The following GCN1 variants were observed in gnomAD, a reference collection of about 807,000 sequenced individuals.
The protein encoded by GCN1 is stalled ribosome sensor GCN1.
GCN1 carries 90 observed loss-of-function variants against 288.4 expected under a neutral mutation model. That is an observed-to-expected ratio of 0.31 (90% CI 0.26 to 0.37). The LOEUF is 0.37. Among genes scored for constraint, GCN1 ranks in the 10% least tolerant of loss-of-function variants. GCN1 has a pLI of 1.00. For missense variants in GCN1, 2,586 were observed against 3,419.9 expected (o/e 0.76, Z 6.08); for synonymous variants, 1,386 against 1,420.2 (o/e 0.98, Z 0.54).
Position 120,148,318 on chromosome 12 carries a change from C to T in GCN1, c.4575G>A (p.Ala1525=), listed in dbSNP as rs369587641. 357 of 1,613,788 alleles carry T rather than the reference C, an allele frequency of 2.2e-4. 1 individual carries two copies. The Middle Eastern group carries it at 2.3e-3, about 10-fold the overall frequency. Residue 1525 remains alanine, a synonymous_variant, in exon 37 of 58, where the codon GCG becomes GCA. Transcript: ENST00000300648. ...ATGACAGCTGCTTAGGAGCACAGTACGCCATTGCCCCAAGAAGCTCCACTG... is the reference window on the plus strand; with the variant it reads ...ATGACAGCTGCTTAGGAGCACAGTATGCCATTGCCCCAAGAAGCTCCACTG... ...AGSVELLGAM[A]YCAPKQLSSC...
In GCN1 at chr12:120,130,533, C is replaced by T. The variant is rs77192728; in HGVS notation, c.7671+113G>A. ...GTTCAGCGATCTCCTGGAGGCCGTC[C>T]ACGGAGAACTAGCACACAACTAGTT... On this transcript the variant is annotated intron_variant, in intron 56 of 57. Coordinates refer to ENST00000300648, the MANE Select transcript of GCN1 (RefSeq NM_006836.2). 1.9e-3 allele frequency: 1,361 copies of T among 726,554 alleles called. 12 individuals carry two copies. The African/African-American group carries it at 0.02, about 10-fold the overall frequency. 45.0% of individuals were successfully genotyped at this position (726,554 alleles called of 1,614,324 possible). A position where few individuals can be genotyped will look rare whatever the true frequency, so the allele number is the denominator to read the frequency against.
chr12:120,190,814 G>A (rs1334262512), intron 1 of GCN1, among the ~76,000 whole-genome samples: 1 of 152,108 alleles, frequency 6.6e-6, no homozygotes, highest in African/African-American at 2.4e-5. Flanking sequence ...CAAGGGCCTG[G>A]TACGTGCCAA....
intron 2 of GCN1, among the ~76,000 whole-genome samples, chr12:120,187,989 A>G (rs1407926768): frequency 6.6e-6 from 1 of 152,150 alleles, no homozygotes; most frequent in Admixed American, 6.5e-5. Context: ...GCAGATCAGG[A>G]TAATCAGATA....
rs753139297 is a variant in GCN1, at chr12:120,153,358, G to A, written c.3917C>T (p.Ala1306Val). Residue 1306 changes from alanine to valine, a missense_variant, in exon 33 of 58, where the codon GCG becomes GTG. Physicochemically the swap from Ala to Val is moderately conservative, Grantham distance 64 (BLOSUM62 0). Around this residue, in one of 8 missense-constraint regions of GCN1, gnomAD observed 332 missense variants for 403.0 expected, o/e 0.82. Coordinates refer to ENST00000300648, the MANE Select transcript of GCN1 (RefSeq NM_006836.2). This position sits in a 1 kb window ranked among gnomAD's most constrained non-coding sequence, Gnocchi z 4.4. ...LPVFEEFLKN[A>V]PNDASYDAVR... is the part of the protein sequence containing the mutation. ...AGCATCATAGCTGGCATCATTGGGC[G>A]CGTTCTTCAGGAACTCCTCGAATAC... 1.6e-5 allele frequency: 26 copies of A among 1,614,182 alleles called. No homozygotes were observed. The highest frequency in any genetic ancestry group is 4.4e-5 in the South Asian group (4 of 91,088).
chr12:120,149,596 G>T lies in GCN1; in HGVS notation c.4546+10C>A. ...GAAGCTGGGAAGAGAGGCAGAGCGA[G>T]TGGTCTTACCAGCTTTGGTCCGCCA... On this transcript the variant is annotated intron_variant, in intron 36 of 57. Transcript: ENST00000300648. 1.3e-6 allele frequency: 2 copies of T among 1,576,698 alleles called. No homozygotes were observed. Among genetic ancestry groups the T allele is most frequent in the Middle Eastern group, 1.7e-4 (1 of 5,986 alleles).
chr12:120,129,558 A>T (rs1392535136), intron 56 of GCN1, 64 bp from the exon 57 acceptor site: 1 of 1,208,124 alleles, frequency 8.3e-7, no homozygotes, highest in Non-Finnish European at 1.2e-6. Context: ...AAGCAGCCCA[A>T]ATGCCCAGCC....
At chr12:120,187,887 GA>G (rs537567748) in intron 2 of GCN1, among the ~76,000 whole-genome samples, 339 of 99,582 alleles carry the variant, frequency 3.4e-3, no homozygotes, top group African/African-American at 9.5e-3. Flanking sequence ...CAAAAGAAAT[GA>G]AAAAAAAAAA....
At chr12:120,128,049 A>G (rs1222420582) in intron 57 of GCN1, 75 bp from the exon 58 acceptor site, 1 of 1,528,762 alleles carries the variant, frequency 6.5e-7, no homozygotes, top group East Asian at 2.3e-5. Flanking sequence ...GAGAAAGACA[A>G]AAATGAATGT....
In GCN1 at chr12:120,176,223, G is replaced by A. The variant is rs116132512; in HGVS notation, c.839-6C>T. 1.4e-4 allele frequency: 224 copies of A among 1,593,950 alleles called. No homozygotes were observed. In the African/African-American group the frequency reaches 2.7e-3, roughly 19 times the overall value. On this transcript the variant is annotated splice_region_variant and splice_polypyrimidine_tract_variant and intron_variant, in intron 9 of 57. Transcript: ENST00000300648. Reference sequence around the variant, plus strand: ...TGCCAGCAGACTAGAAATAGCTAAGGGGGACAGAAAGCACTGACCATGTCA... The same window carrying A: ...TGCCAGCAGACTAGAAATAGCTAAGAGGGACAGAAAGCACTGACCATGTCA...
chr12:120,171,382 G>A (rs1281738049), intron 14 of GCN1, among the ~76,000 whole-genome samples: 2 of 151,910 alleles, frequency 1.3e-5, no homozygotes, highest in Non-Finnish European at 2.9e-5. Context: ...TTGGAGAATC[G>A]CTTAAACCCA....
At chr12:120,175,289 G>A in intron 11 of GCN1, 77 bp from the exon 12 acceptor site, 1 of 1,259,896 alleles carries the variant, frequency 7.9e-7, no homozygotes, top group Non-Finnish European at 1.2e-6. Flanking sequence ...AGTCACGTGT[G>A]TGATGCCACG....
chr12:120,145,390 T>A (rs1488795957), intron 38 of GCN1, 60 bp from the exon 39 acceptor site: 2 of 1,295,600 alleles, frequency 1.5e-6, no homozygotes, highest in Non-Finnish European at 2.1e-6. Flanking sequence ...CCAGGCCTGT[T>A]CCACTGTGGA....
intron 33 of GCN1, among the ~76,000 whole-genome samples, chr12:120,152,375 C>CCA (rs921594488): frequency 5.3e-4 from 70 of 132,056 alleles, no homozygotes; most frequent in Admixed American, 2.0e-3. Context: ...AAAATGCAAA[C>CCA]CACACACACA....
chr12:120,168,557 C>T (rs371744783), intron 15 of GCN1: 49 of 424,250 alleles, frequency 1.2e-4, no homozygotes, highest in South Asian at 5.8e-4. Context: ...CCACCCCAGG[C>T]GCCAAGCTGG....
At chr12:120,181,841 A>G (rs78426102) in intron 5 of GCN1, among the ~76,000 whole-genome samples, 1 of 87,192 alleles carries the variant, frequency 1.1e-5, no homozygotes, top group South Asian at 4.0e-4. Context: ...CTCCGTCTCA[A>G]AAAAAAAAAA....
Position 120,140,984 on chromosome 12 carries a change from C to T in GCN1, c.5869G>A (p.Gly1957Arg). The change falls in exon 45 of 58, where the codon GGG becomes AGG. Residue 1957 changes from glycine (G) to arginine (R), a missense_variant. This residue lies in a region of GCN1 where 437 missense variants were observed against 570.5 expected (regional missense o/e 0.77). Coordinates refer to ENST00000300648, the MANE Select transcript of GCN1 (RefSeq NM_006836.2). The part of the protein sequence containing the change: ...RTLGDLVRKL[G>R]EKILPEIIPI... ...ATGATCTCGGGGAGGATTTTCTCCC[C>T]TAACTTCCGCACAAGATCTCCCAAT... is the stretch of plus-strand genomic sequence containing the variant. 1 of 1,613,896 alleles carries T rather than the reference C, an allele frequency of 6.2e-7. No individual in the cohort carries two copies. Among genetic ancestry groups the T allele is most frequent in the Non-Finnish European group, 8.5e-7 (1 of 1,179,902 alleles).
At chr12:120,131,402 T>C (rs1432448690) in intron 54 of GCN1, 69 bp from the exon 55 acceptor site, 15 of 1,505,860 alleles carry the variant, frequency 1.0e-5, no homozygotes, top group Non-Finnish European at 1.2e-5. Flanking sequence ...ATGAGGCCCA[T>C]GGGCCCACCC....
intron 1 of GCN1, among the ~76,000 whole-genome samples, chr12:120,191,333 G>A (rs1450120483): frequency 6.6e-6 from 1 of 152,244 alleles, no homozygotes; most frequent in Non-Finnish European, 1.5e-5. Flanking sequence ...CACAGCTGCA[G>A]TCCCCTGCAT....
At chr12:120,180,228 G>A (rs1315951969) in intron 5 of GCN1, among the ~76,000 whole-genome samples, 2 of 151,822 alleles carry the variant, frequency 1.3e-5, no homozygotes, top group African/African-American at 4.8e-5. Context: ...TTGCTTGAAC[G>A]CAGGAGAATC....
Sources: allele counts gnomAD v4.1 joint callset (sites outside exome capture counted in the v4.1 genomes callset), GRCh38; gene constraint gnomAD v4.1.1; regional missense constraint gnomAD v4.1.1; non-coding constraint Gnocchi (gnomAD v3.1); transcripts MANE v1.5; gene names NCBI Gene and HGNC (gene_info 2026-07-23, HGNC 2026-07-21).